The following DOCK2 variants were observed in gnomAD, a reference collection of about 807,000 sequenced individuals.
DOCK2 encodes the protein dedicator of cytokinesis protein 2.
DOCK2 carries 87 observed loss-of-function variants against 248.9 expected under a neutral mutation model. The observed-to-expected ratio is 0.35, with a 90% CI of 0.29 to 0.42. The LOEUF is 0.42. Among genes scored for constraint, DOCK2 ranks in the 10% least tolerant of loss-of-function variants. The pLI is 1.00. For synonymous variants in DOCK2, 805 were observed against 821.6 expected (o/e 0.98, Z 0.35); for missense variants, 1,747 against 2,300.2 (o/e 0.76, Z 4.92).
rs894946891 is a variant in DOCK2, at chr5:169,857,510, T to C, written c.2799+16658T>C. On this transcript the variant is annotated intron_variant, in intron 27 of 51. Transcript: ENST00000520908. ...TCACTTCTCAAATATCTTCTCCACA[T>C]AGCAGCCAAAGCAATCATTGCAAAA... Among the ~76,000 whole-genome samples, 6 of 152,250 alleles carry C rather than the reference T, an allele frequency of 3.9e-5. No individual in the cohort carries two copies. In the East Asian group the frequency reaches 1.2e-3, roughly 29 times the overall value.
intron 27 of DOCK2, among the ~76,000 whole-genome samples, chr5:169,923,192 G>A (rs1318797529): frequency 6.6e-6 from 1 of 152,098 alleles, no homozygotes; most frequent in Non-Finnish European, 1.5e-5. Context: ...ACAAGCATGG[G>A]ACTGGGTAGA....
rs77195381 is a variant in DOCK2 at position 170,068,236 on chromosome 5, G to A, written c.4644+550G>A. On this transcript the variant is annotated intron_variant, in intron 45 of 51. Coordinates refer to ENST00000520908, the MANE Select transcript of DOCK2 (RefSeq NM_004946.3). ...TATTTTTGAGCTTCCTGGTGTTCAC[G>A]GCAAAAAAGGAAATAGCATCACTTA... 6.8e-3 allele frequency among the ~76,000 whole-genome samples: 1,032 copies of A among 152,044 alleles called. 12 individuals are homozygous for A. Among genetic ancestry groups the A allele is most frequent in the African/African-American group, 0.024 (994 of 41,490 alleles).
At chr5:170,050,656 T>A (rs1756881215) in intron 41 of DOCK2, among the ~76,000 whole-genome samples, 1 of 152,240 alleles carries the variant, frequency 6.6e-6, no homozygotes. Flanking sequence ...AGTGCATGAA[T>A]GTGAGCTAGA....
In DOCK2 at chr5:169,990,057, A is replaced by G. The variant is rs1312087581; in HGVS notation, c.2993+4135A>G. ...TTGGGGTCCCCACCTCCTCCAATCC[A>G]TGTAATCCAGAAAGAAAGAACCCTC... is the stretch of plus-strand genomic sequence containing the variant. On this transcript the variant is annotated intron_variant, in intron 29 of 51. Transcript: ENST00000520908. Among the ~76,000 whole-genome samples, 3 of 149,720 alleles carry G rather than the reference A, an allele frequency of 2.0e-5. No individual in the cohort carries two copies. The East Asian group carries it at 5.9e-4, about 29-fold the overall frequency.
chr5:169,743,237 C>A (rs1189042611), intron 22 of DOCK2, among the ~76,000 whole-genome samples: 1 of 152,134 alleles, frequency 6.6e-6, no homozygotes, highest in Non-Finnish European at 1.5e-5. Context: ...AATCTAAAAC[C>A]CTTATGAATT....
rs896610345 is a variant in DOCK2 at position 169,676,612 on chromosome 5, A to G, written c.470+2167A>G. ...TAGTTTAGGTGCTCAGAGCTCTGGT[A>G]TGGGATGGGCAGCTTCCTCAAATCC... is the stretch of plus-strand genomic sequence containing the variant. On this transcript the variant is annotated intron_variant, in intron 6 of 51. Transcript: ENST00000520908. 2.0e-5 allele frequency among the ~76,000 whole-genome samples: 3 copies of G among 152,204 alleles called. No homozygotes were observed. The East Asian group carries it at 5.8e-4, about 29-fold the overall frequency.
At chr5:169,894,207 G>A (rs1260832276) in intron 27 of DOCK2, among the ~76,000 whole-genome samples, 1 of 152,166 alleles carries the variant, frequency 6.6e-6, no homozygotes, top group Admixed American at 6.5e-5. Flanking sequence ...GCAGATGAGG[G>A]AACTGGTAGA....
intron 23 of DOCK2, among the ~76,000 whole-genome samples, chr5:169,755,535 G>C (rs920310420): frequency 1.3e-5 from 2 of 152,098 alleles, no homozygotes; most frequent in African/African-American, 4.8e-5. Flanking sequence ...CTGAGGTCAG[G>C]GGTTTGAACC....
intron 2 of DOCK2, among the ~76,000 whole-genome samples, chr5:169,658,038 G>A (rs1273311936): frequency 6.6e-6 from 1 of 151,486 alleles, no homozygotes; most frequent in African/African-American, 2.4e-5. Context: ...AATAAAACAT[G>A]GAATTAAAAA....
intron 22 of DOCK2, among the ~76,000 whole-genome samples, chr5:169,724,363 G>A (rs1189812625): frequency 2.0e-5 from 3 of 152,230 alleles, no homozygotes; most frequent in East Asian, 1.9e-4. Flanking sequence ...TCAGGCAAAT[G>A]TGACTTTGTC....
chr5:169,822,734 C>G (rs1768549392), intron 26 of DOCK2, among the ~76,000 whole-genome samples: 1 of 152,138 alleles, frequency 6.6e-6, no homozygotes, highest in African/African-American at 2.4e-5. Flanking sequence ...CAAACACATT[C>G]AAAAGCTAGC....
At chr5:169,661,445 T>C (rs35702545) in intron 2 of DOCK2, among the ~76,000 whole-genome samples, 67,587 of 152,080 alleles carry the variant, frequency 0.44, 16,122 homozygotes, top group South Asian at 0.58. Flanking sequence ...CCCTTCTTTT[T>C]TGTTTTTGTT....
At chr5:170,070,944 T>A (rs1174806208) in intron 46 of DOCK2, among the ~76,000 whole-genome samples, 2 of 152,216 alleles carry the variant, frequency 1.3e-5, no homozygotes, top group African/African-American at 4.8e-5. Context: ...CTATTAGATG[T>A]GGCGGCTTCT....
intron 27 of DOCK2, among the ~76,000 whole-genome samples, chr5:169,889,718 G>A (rs1002708350): frequency 1.3e-5 from 2 of 152,196 alleles, no homozygotes; most frequent in African/African-American, 2.4e-5. Flanking sequence ...TGCCATTGTG[G>A]CAAGAAATAA....
At chr5:170,024,856 A>G (rs192173869) in intron 33 of DOCK2, among the ~76,000 whole-genome samples, 5 of 152,250 alleles carry the variant, frequency 3.3e-5, no homozygotes, top group South Asian at 2.1e-4. Flanking sequence ...GCATGGTGGT[A>G]TGGTATCATT....
rs1756259089 is a variant in DOCK2 at position 170,034,615 on chromosome 5, C to T, written c.3624+60C>T. ...ACCCTGTGGGGGGGCTTGGGCTTGG[C>T]TTTGGGTCTCACGATTGTTCTTCAT... On this transcript the variant is annotated intron_variant, in intron 35 of 51. Transcript: ENST00000520908. The T allele has an allele frequency of 1.8e-5, 29 of 1,594,492 alleles. No homozygotes were observed. In the South Asian group the frequency reaches 3.3e-4, roughly 18 times the overall value.
At chr5:170,073,491 A>T (rs1479346664) in intron 46 of DOCK2, among the ~76,000 whole-genome samples, 2 of 152,224 alleles carry the variant, frequency 1.3e-5, no homozygotes, top group Admixed American at 6.5e-5. Flanking sequence ...CCTCCCAAAC[A>T]CATTGAGATT....
chr5:169,726,400 A>T (rs1293135433), intron 22 of DOCK2, among the ~76,000 whole-genome samples: 1 of 152,160 alleles, frequency 6.6e-6, no homozygotes, highest in East Asian at 1.9e-4. Context: ...TAGATTCTGC[A>T]TATTAGCCCT....
intron 25 of DOCK2, among the ~76,000 whole-genome samples, chr5:169,782,267 T>C (rs936935682): frequency 6.6e-6 from 1 of 152,106 alleles, no homozygotes; most frequent in Non-Finnish European, 1.5e-5. Flanking sequence ...TCTTCTAGTT[T>C]ATCAGGAGAT....
Sources: allele counts gnomAD v4.1 joint callset (sites outside exome capture counted in the v4.1 genomes callset), GRCh38; gene constraint gnomAD v4.1.1; transcripts MANE v1.5; gene names NCBI Gene and HGNC (gene_info 2026-07-23, HGNC 2026-07-21).